CFAP97: variants seen among roughly 807,000 people sequenced by gnomAD.
The protein encoded by CFAP97 is cilia and flagella associated protein 97, also known as cilia- and flagella-associated protein 97.
Under a neutral mutation model 43.1 loss-of-function variants are expected in CFAP97, and 36 were observed. That is an observed-to-expected ratio of 0.84 (90% CI 0.64 to 1.10). CFAP97 has a LOEUF of 1.10. Ranked by LOEUF, CFAP97 falls within the 50% of genes least tolerant of loss-of-function variation. The pLI is 0.00. For missense variants in CFAP97, 657 were observed against 620.3 expected (o/e 1.06, Z -0.63); for synonymous variants, 228 against 225.7 (o/e 1.01, Z -0.09).
intron 2 of CFAP97, among the ~76,000 whole-genome samples, 189 bp downstream of exon 2, chr4:185,189,954 A>G (rs565218069): frequency 2.0e-5 from 3 of 152,348 alleles, no homozygotes; most frequent in Admixed American, 1.3e-4. Flanking sequence ...AAATTACTAT[A>G]CAAAATAATA....
intron 2 of CFAP97, among the ~76,000 whole-genome samples, chr4:185,180,280 CA>C (rs1735730943): frequency 6.6e-6 from 1 of 152,078 alleles, no homozygotes; most frequent in Non-Finnish European, 1.5e-5. Flanking sequence ...ACACGGAACA[CA>C]AAATTTACCA....
Position 185,162,804 on chromosome 4 carries a change from C to G in CFAP97, c.1593G>C (p.Trp531Cys). The change falls in exon 5 of 5, where the codon TGG (tryptophan) becomes TGC (cysteine). Residue 531 changes from tryptophan to cysteine, a missense_variant. Physicochemically the swap from Trp to Cys is radical, Grantham distance 215 (BLOSUM62 -2). Coordinates refer to ENST00000458385, the MANE Select transcript of CFAP97 (RefSeq NM_020827.3). The stretch of plus-strand genomic sequence containing the variant: ...TTTAAAGTAAAAAAGTGTTTTATAA[C>G]CAAGCTGTACGGACATTAGGGGGTT... ...RPKPPNVRTA[W>C]L 6.2e-7 allele frequency: 1 copy of G among 1,612,788 alleles called. No homozygotes were observed. Among genetic ancestry groups the G allele is most frequent in the Middle Eastern group, 1.7e-4 (1 of 6,046 alleles).
intron 1 of CFAP97, among the ~76,000 whole-genome samples, chr4:185,198,994 C>T (rs573728596): frequency 6.6e-6 from 1 of 152,266 alleles, no homozygotes; most frequent in African/African-American, 2.4e-5. Flanking sequence ...CTCAACACTT[C>T]AAAGAACAGG....
intron 3 of CFAP97, among the ~76,000 whole-genome samples, chr4:185,173,711 A>G (rs907588270): frequency 6.6e-6 from 1 of 152,202 alleles, no homozygotes; most frequent in Non-Finnish European, 1.5e-5. Flanking sequence ...CAGAAAGCAG[A>G]CTAGATGCCC....
At chr4:185,166,351 A>G (rs1377304292) in intron 3 of CFAP97, among the ~76,000 whole-genome samples, 1 of 152,196 alleles carries the variant, frequency 6.6e-6, no homozygotes, top group East Asian at 1.9e-4. Flanking sequence ...AGTGTATTCT[A>G]CCAGCAGAGT....
chr4:185,194,920 G>T (rs530355785), intron 1 of CFAP97, among the ~76,000 whole-genome samples: 1 of 152,092 alleles, frequency 6.6e-6, no homozygotes, highest in Non-Finnish European at 1.5e-5. Context: ...GTGATGAGTG[G>T]GAGTCTGCTC....
At chr4:185,181,735 C>T (rs550678678) in intron 2 of CFAP97, among the ~76,000 whole-genome samples, 2 of 152,284 alleles carry the variant, frequency 1.3e-5, no homozygotes, top group South Asian at 4.1e-4. Context: ...TGGTGCCTCT[C>T]TGTTGGTTTT....
rs765024187 is a variant in CFAP97 at position 185,190,231 on chromosome 4, C to CT, written c.965dup (p.Ser323ValfsTer14). 6 of 1,613,692 alleles carry CT rather than the reference C, an allele frequency of 3.7e-6. No individual in the cohort carries two copies. The Admixed American group carries it at 1.0e-4, about 27-fold the overall frequency. On this transcript the variant is annotated frameshift_variant, in exon 2 of 5. Transcript: ENST00000458385. LOFTEE classifies it high-confidence loss of function. ...AACTGGAGTCTAACACTGAAGACGA[C>CT]TTTGAGGAGACATCAGGCTCATGTT...
rs959800121 is a variant in CFAP97 at position 185,162,156 on chromosome 4, T to C, written c.*642A>G. The C allele has an allele frequency of 3.3e-5, 5 of 152,222 alleles. No homozygotes were observed. Among genetic ancestry groups the C allele is most frequent in the African/African-American group, 1.2e-4 (5 of 41,446 alleles). The allele number at this position is 152,222 out of a possible 1,614,324, so 9.4% of individuals were successfully genotyped here. ...AACTTTCTAATATTCATATTTGAAA[T>C]GGTTTGGAATGATTGATCAAACTTT... On this transcript the variant is annotated 3_prime_UTR_variant, in exon 5 of 5. Transcript: ENST00000458385.
rs768127204 is a variant in CFAP97, at chr4:185,190,795, A to G, written c.402T>C (p.Asp134=). Residue 134 remains aspartate (D), a synonymous_variant, in exon 2 of 5, where the codon GAT becomes GAC. Coordinates refer to ENST00000458385, the MANE Select transcript of CFAP97 (RefSeq NM_020827.3). ...TCCCATCATCACTGCTTTCCTCTCC[A>G]TCTGTGTAGTAATCATCTTCACCTT... ...VKEGEDDYYT[D]GEESSDDGKK... The G allele has an allele frequency of 3.1e-6, 5 of 1,606,882 alleles. No individual in the cohort carries two copies. The Admixed American group carries it at 5.1e-5, about 16-fold the overall frequency.
At chr4:185,162,969 C>T (rs781482826) in intron 4 of CFAP97, 44 bp from the exon 5 acceptor site, 16 of 1,480,018 alleles carry the variant, frequency 1.1e-5, no homozygotes, top group East Asian at 2.4e-5. Flanking sequence ...CTTCTCCTCA[C>T]TTGAAGTCCA....
chr4:185,181,863 T>C (rs1735804308), intron 2 of CFAP97, among the ~76,000 whole-genome samples: 1 of 152,176 alleles, frequency 6.6e-6, no homozygotes, highest in Non-Finnish European at 1.5e-5. Flanking sequence ...TGGTAGCTAA[T>C]CTCAGTATGG....
At position 185,209,113 on chromosome 4, in the gene CFAP97, A is replaced by G. The variant is rs748820703; in HGVS notation, c.-74+212T>C. On this transcript the variant is annotated intron_variant, in intron 1 of 2. Transcript: ENST00000503223. The surrounding 1 kb of genome is among the most constrained non-coding windows in gnomAD (Gnocchi z 5.2). ...GGACCTTTCCATAGCTAGGAATTGCAGGCTTCACTTACTCCACCGCACGTG... is the reference window on the plus strand; with the variant it reads ...GGACCTTTCCATAGCTAGGAATTGCGGGCTTCACTTACTCCACCGCACGTG... Among the ~76,000 whole-genome samples, 12 of 152,188 alleles carry G rather than the reference A, an allele frequency of 7.9e-5. No individual in the cohort carries two copies. The highest frequency in any genetic ancestry group is 5.9e-4 in the Admixed American group (9 of 15,282).
intron 3 of CFAP97, chr4:185,170,149 AC>A: frequency 1.3e-6 from 1 of 747,606 alleles, no homozygotes; most frequent in Non-Finnish European, 1.9e-6. Context: ...GGAGTTTGAG[AC>A]CAGCCTGGCT....
chr4:185,191,048 T>A lies in CFAP97; in HGVS notation c.149A>T (p.Asn50Ile). ...TTGCATTCCAGTGTTCGAATTTACA[T>A]TTTTTGTATCTTTATCTATTCTTTC... The part of the protein sequence containing the change: ...PKERIDKDTK[N>I]VNSNTGMQTT... The change falls in exon 2 of 5, where the codon AAT becomes ATT. Residue 50 changes from asparagine (N) to isoleucine (I), a missense_variant. Coordinates refer to ENST00000458385, the MANE Select transcript of CFAP97 (RefSeq NM_020827.3). 6.2e-7 allele frequency: 1 copy of A among 1,613,390 alleles called. No homozygotes were observed. The highest frequency in any genetic ancestry group is 8.5e-7 in the Non-Finnish European group (1 of 1,179,616).
chr4:185,195,956 G>C (rs544144665), intron 1 of CFAP97, among the ~76,000 whole-genome samples: 1 of 152,308 alleles, frequency 6.6e-6, no homozygotes, highest in South Asian at 2.1e-4. Flanking sequence ...ACTCTAAAAA[G>C]AACTGTGGTT....
Position 185,190,844 on chromosome 4 carries a change from T to C in CFAP97, c.353A>G (p.Asn118Ser), listed in dbSNP as rs756947075. The C allele has an allele frequency of 6.8e-6, 11 of 1,610,704 alleles. 1 individual carries two copies. In the Admixed American group the frequency reaches 1.8e-4, roughly 27 times the overall value. Reference sequence around the variant, plus strand: ...TTCTTTTACAATTTTGGGAATTCTATTTGGAATGGACACGTGTATTTTAAG... The same window carrying C: ...TTCTTTTACAATTTTGGGAATTCTACTTGGAATGGACACGTGTATTTTAAG... Reference protein sequence around the residue: ...TGLKIHVSIPNRIPKIVKEGE... With the variant: ...TGLKIHVSIPSRIPKIVKEGE... Residue 118 changes from asparagine (N) to serine (S), a missense_variant, in exon 2 of 5, where the codon AAT (asparagine) becomes AGT (serine). Physicochemically the swap from Asn to Ser is conservative, Grantham distance 46 (BLOSUM62 1). Transcript: ENST00000458385.
At position 185,162,901 on chromosome 4, in the gene CFAP97, G is replaced by A. The variant is rs61729128; in HGVS notation, c.1496C>T (p.Thr499Met). The change falls in exon 5 of 5, where the codon ACG becomes ATG. Residue 499 changes from threonine (T) to methionine (M), a missense_variant. Coordinates refer to ENST00000458385, the MANE Select transcript of CFAP97 (RefSeq NM_020827.3). ...CTCACTCCTACAACTGAGACCACTC[G>A]TAGCACTGGATGTCCTGGAAGCTCC... ...PLRASRTSSA[T>M]SGLSCRSERS... 3,147 of 1,589,346 alleles carry A rather than the reference G, an allele frequency of 2.0e-3. 52 individuals carry two copies. The African/African-American group carries it at 0.036, about 18-fold the overall frequency.
intron 4 of CFAP97, among the ~76,000 whole-genome samples, chr4:185,163,378 G>A (rs952189848): frequency 6.6e-6 from 1 of 152,178 alleles, no homozygotes; most frequent in Middle Eastern, 3.4e-3. Flanking sequence ...GGGAAGTTGT[G>A]GCATCGGGCG....
Sources: gnomAD v4.1 joint callset for allele counts (sites outside exome capture counted in the v4.1 genomes callset) on GRCh38, gnomAD v4.1.1 for gene constraint, Gnocchi (gnomAD v3.1) non-coding constraint, MANE v1.5 for transcripts, NCBI Gene and HGNC (gene_info 2026-07-23, HGNC 2026-07-21) for gene names.